The following ZFYVE9 variants were observed in gnomAD, a reference collection of about 807,000 sequenced individuals.
The protein encoded by ZFYVE9 is zinc finger FYVE-type containing 9, also known as zinc finger FYVE domain-containing protein 9.
Under a neutral mutation model 126.7 loss-of-function variants are expected in ZFYVE9, and 43 were observed. The observed-to-expected ratio is 0.34, with a 90% CI of 0.27 to 0.44. The LOEUF is 0.44. Ranked by LOEUF, ZFYVE9 falls within the 20% of genes least tolerant of loss-of-function variation. ZFYVE9 has a pLI of 1.00. For synonymous variants in ZFYVE9, 521 were observed against 597.4 expected (o/e 0.87, Z 1.87); for missense variants, 1,476 against 1,697.0 (o/e 0.87, Z 2.29).
intron 4 of ZFYVE9, among the ~76,000 whole-genome samples, chr1:52,240,582 C>A (rs1293937858): frequency 6.6e-6 from 1 of 152,112 alleles, no homozygotes; most frequent in Non-Finnish European, 1.5e-5. Flanking sequence ...ACATTTATTT[C>A]ATGTAAACAG....
rs970064374 is a variant in ZFYVE9 at position 52,320,655 on chromosome 1, C to T, written c.3439-12113C>T. Among the ~76,000 whole-genome samples the T allele has an allele frequency of 5.3e-5, 8 of 152,226 alleles. 1 individual carries two copies. In the South Asian group the frequency reaches 1.7e-3, roughly 32 times the overall value. On this transcript the variant is annotated intron_variant, in intron 13 of 18. Coordinates refer to ENST00000287727, the MANE Select transcript of ZFYVE9 (RefSeq NM_004799.4). The stretch of plus-strand genomic sequence containing the variant: ...ATTGGAAATGGTTCATAGATTTATA[C>T]AGAGTTAAAACTAAAACTTCTGAAA...
At position 52,238,696 on chromosome 1, in the gene ZFYVE9, C is replaced by A; in HGVS notation, c.1279C>A (p.Gln427Lys). Residue 427 changes from glutamine (Q) to lysine (K), a missense_variant, in exon 4 of 19, where the codon CAG (glutamine) becomes AAG (lysine). By Grantham distance (53) the Gln-to-Lys change is moderately conservative (BLOSUM62 1). Around this residue, in one of 2 missense-constraint regions of ZFYVE9, gnomAD observed 807 missense variants for 794.6 expected, o/e 1.02. Transcript: ENST00000287727. Reference protein sequence around the residue: ...EEKEKFLQISQPEDTNGDSGG... With the variant: ...EEKEKFLQISKPEDTNGDSGG... ...AAAGGAAAAGTTTCTACAGATTAGT[C>A]AGCCTGAGGACACTAATGGTGATAG... 1.2e-6 allele frequency: 2 copies of A among 1,614,056 alleles called. No individual in the cohort carries two copies. Among genetic ancestry groups the A allele is most frequent in the South Asian group, 2.2e-5 (2 of 91,044 alleles).
intron 10 of ZFYVE9, among the ~76,000 whole-genome samples, chr1:52,292,518 C>T (rs572280472): frequency 1.5e-5 from 2 of 137,356 alleles, no homozygotes; most frequent in Admixed American, 7.8e-5. Context: ...ATCGCCTAGG[C>T]TGGAGCGCAG....
Position 52,205,114 on chromosome 1 carries a change from G to A in ZFYVE9, c.-142-11255G>A, listed in dbSNP as rs189346953. Among the ~76,000 whole-genome samples, 23 of 133,862 alleles carry A rather than the reference G, an allele frequency of 1.7e-4. No homozygotes were observed. In the East Asian group the frequency reaches 4.9e-3, roughly 29 times the overall value. The allele number at this position is 133,862 out of a possible 152,430, so 87.8% of individuals were successfully genotyped here. On this transcript the variant is annotated intron_variant, in intron 1 of 18. Coordinates refer to ENST00000287727, the MANE Select transcript of ZFYVE9 (RefSeq NM_004799.4). ...TTTGAAGACAGGACCTCATTCTGTC[G>A]CCCAGGCTGGAGTGCGGTGGCATGA...
intron 4 of ZFYVE9, chr1:52,253,950 A>G (rs1645477004): frequency 6.8e-6 from 6 of 885,832 alleles, no homozygotes; most frequent in South Asian, 2.6e-5. Flanking sequence ...AAATTCGGCA[A>G]CTTGAATTGG....
intron 5 of ZFYVE9, among the ~76,000 whole-genome samples, chr1:52,265,465 T>C (rs1024286803): frequency 6.6e-6 from 1 of 152,218 alleles, no homozygotes; most frequent in African/African-American, 2.4e-5. Flanking sequence ...GCATGTGGTA[T>C]TACCTGAACC....
rs750132559 is a variant in ZFYVE9, at chr1:52,281,825, G to A, written c.3025+9G>A. ...TCGGGATGCTCTGGCAGGTAGGAAT[G>A]CTTTATGACTTAGTCTGCTCCCTTT... On this transcript the variant is annotated intron_variant, in intron 10 of 18. Transcript: ENST00000287727. The A allele has an allele frequency of 6.2e-7, 1 of 1,614,020 alleles. No homozygotes were observed. Among genetic ancestry groups the A allele is most frequent in the Non-Finnish European group, 8.5e-7 (1 of 1,179,966 alleles).
intron 2 of ZFYVE9, among the ~76,000 whole-genome samples, chr1:52,217,334 A>G (rs1645081159): frequency 6.6e-6 from 1 of 152,182 alleles, no homozygotes; most frequent in Admixed American, 6.5e-5. Flanking sequence ...GTTAGACTTA[A>G]CAGAAGCGGG....
In ZFYVE9 at chr1:52,153,435, C is replaced by G. The variant is rs187551796; in HGVS notation, c.-143+11032C>G. On this transcript the variant is annotated intron_variant, in intron 1 of 18. Transcript: ENST00000287727. ...CATTTCTGCTGGTGTTGGTTGTTTA[C>G]CTAGTGGTTTGACCCAAACCCTCAT... 3.6e-3 allele frequency among the ~76,000 whole-genome samples: 548 copies of G among 152,282 alleles called. 1 individual carries two copies. Among genetic ancestry groups the G allele is most frequent in the Non-Finnish European group, 6.2e-3 (424 of 68,024 alleles).
chr1:52,291,811 G>A (rs907976873), intron 10 of ZFYVE9, among the ~76,000 whole-genome samples: 1 of 149,172 alleles, frequency 6.7e-6, no homozygotes, highest in Non-Finnish European at 1.5e-5. Flanking sequence ...CCGGGAAGGA[G>A]AGGTTGCAGT....
At chr1:52,343,422 G>A (rs1646457473) in intron 17 of ZFYVE9, among the ~76,000 whole-genome samples, 1 of 151,802 alleles carries the variant, frequency 6.6e-6, no homozygotes, top group Non-Finnish European at 1.5e-5. Context: ...CTCCAGCCTG[G>A]GCAATAGAGC....
chr1:52,189,956 A>G (rs1345650194), intron 1 of ZFYVE9: 1 of 152,998 alleles, frequency 6.5e-6, no homozygotes, highest in Non-Finnish European at 1.5e-5. Flanking sequence ...GCCTCTTCTG[A>G]AACCTGCAGA....
chr1:52,203,059 C>CT (rs578142046), intron 1 of ZFYVE9, among the ~76,000 whole-genome samples: 5 of 151,942 alleles, frequency 3.3e-5, no homozygotes, highest in African/African-American at 4.8e-5. Context: ...TTAGGTTGGT[C>CT]TTTTTTTTCT....
chr1:52,293,443 T>A lies in ZFYVE9; in HGVS notation c.3026-10T>A. The stretch of plus-strand genomic sequence containing the variant: ...GATACAAAGTAGCTAATAAACTTTT[T>A]TGTTTTTAGGGAATGTGGTGAGCAA... On this transcript the variant is annotated splice_polypyrimidine_tract_variant and intron_variant, in intron 10 of 18. Coordinates refer to ENST00000287727, the MANE Select transcript of ZFYVE9 (RefSeq NM_004799.4). The A allele has an allele frequency of 6.3e-7, 1 of 1,593,360 alleles. No homozygotes were observed. Among genetic ancestry groups the A allele is most frequent in the African/African-American group, 1.4e-5 (1 of 73,830 alleles).
intron 1 of ZFYVE9, among the ~76,000 whole-genome samples, chr1:52,194,700 A>G (rs1234509358): frequency 6.6e-6 from 1 of 152,184 alleles, no homozygotes; most frequent in Non-Finnish European, 1.5e-5. Flanking sequence ...TAAAATGTGC[A>G]CTACCTTTCT....
At chr1:52,176,702 G>A (rs1292042759) in intron 1 of ZFYVE9, among the ~76,000 whole-genome samples, 4 of 152,126 alleles carry the variant, frequency 2.6e-5, no homozygotes, top group African/African-American at 9.7e-5. Context: ...AATGGTGGGC[G>A]CCCCTCCCCC....
chr1:52,198,120 G>GTTTTTTTTTTTTTTTTTT (rs373096573), intron 1 of ZFYVE9, among the ~76,000 whole-genome samples: 2 of 111,102 alleles, frequency 1.8e-5, no homozygotes, highest in Non-Finnish European at 3.4e-5. Context: ...GTTTTTTTTT[G>GTTTTTTTTTTTTTTTTTT]TTTGTTTTTT....
chr1:52,158,773 A>T (rs988554826), intron 1 of ZFYVE9, among the ~76,000 whole-genome samples: 1 of 150,922 alleles, frequency 6.6e-6, no homozygotes, highest in Non-Finnish European at 1.5e-5. Flanking sequence ...AGCCTGGGCA[A>T]TCTAACAGCT....
intron 1 of ZFYVE9, among the ~76,000 whole-genome samples, chr1:52,160,785 C>G (rs969070311): frequency 4.6e-5 from 7 of 152,150 alleles, no homozygotes; most frequent in Admixed American, 2.0e-4. Context: ...CTTATTTTCT[C>G]TTGAATGTGT....
Sources: allele counts gnomAD v4.1 joint callset (sites outside exome capture counted in the v4.1 genomes callset), GRCh38; gene constraint gnomAD v4.1.1; regional missense constraint gnomAD v4.1.1; transcripts MANE v1.5; gene names NCBI Gene and HGNC (gene_info 2026-07-23, HGNC 2026-07-21).